Variants in NPC1 observed in about 807,000 individuals in gnomAD.
NPC1 encodes Niemann-Pick C1 protein.
Under a neutral mutation model 140.4 loss-of-function variants are expected in NPC1, and 85 were observed. The observed-to-expected ratio is 0.61, with a 90% CI of 0.51 to 0.72. The LOEUF (loss-of-function observed/expected upper bound fraction) is 0.72. Among genes scored for constraint, NPC1 ranks in the 30% least tolerant of loss-of-function variants. NPC1 has a pLI of 0.00. For missense variants in NPC1, 1,504 were observed against 1,623.8 expected (o/e 0.93, Z 1.27); for synonymous variants, 656 against 624.8 (o/e 1.05, Z -0.74).
At chr18:23,533,215 A>AT (rs1051020535) in intron 24 of NPC1, 140 bp downstream of exon 24, 3 of 980,086 alleles carry the variant, frequency 3.1e-6, no homozygotes, top group South Asian at 1.5e-5. Flanking sequence ...TTTAGAAGAA[A>AT]TTTTTTTACT....
intron 1 of NPC1, among the ~76,000 whole-genome samples, chr18:23,574,763 A>G (rs1028987003): frequency 1.3e-5 from 2 of 152,216 alleles, no homozygotes; most frequent in African/African-American, 2.4e-5. Context: ...AAGGAGGGAA[A>G]TTATACAAAT....
At chr18:23,562,145 C>T (rs1431164918) in intron 4 of NPC1, among the ~76,000 whole-genome samples, 4 of 151,938 alleles carry the variant, frequency 2.6e-5, no homozygotes, top group African/African-American at 4.8e-5. Flanking sequence ...AAAAATTAGC[C>T]GGGCGTGGTG....
At chr18:23,536,931 G>C in intron 20 of NPC1, 55 bp from the exon 21 acceptor site, 1 of 1,457,556 alleles carries the variant, frequency 6.9e-7, no homozygotes, top group South Asian at 1.2e-5. Flanking sequence ...AATATCAGCA[G>C]AATCTGAGCA....
At chr18:23,577,533 G>A (rs1396814456) in intron 1 of NPC1, among the ~76,000 whole-genome samples, 5 of 152,128 alleles carry the variant, frequency 3.3e-5, no homozygotes, top group East Asian at 3.9e-4. Flanking sequence ...GACTCTCCAC[G>A]TCCCCACCAG....
intron 2 of NPC1, among the ~76,000 whole-genome samples, chr18:23,572,901 A>T (rs759872487): frequency 5.9e-5 from 9 of 152,204 alleles, no homozygotes; most frequent in Non-Finnish European, 1.0e-4. Flanking sequence ...TGTCGACTTG[A>T]CTTTTGATTA....
chr18:23,518,975 C>T (rs763926463), downstream of NPC1: 38 of 1,614,124 alleles, frequency 2.4e-5, no homozygotes, highest in Non-Finnish European at 3.1e-5. Flanking sequence ...CTATCATCTA[C>T]CACGGTAGAT....
intron 3 of NPC1, chr18:23,516,378 C>A: frequency 6.2e-7 from 1 of 1,614,236 alleles, no homozygotes; most frequent in Non-Finnish European, 8.5e-7. Flanking sequence ...GCGCCTAAGT[C>A]AACTAAACCC....
At chr18:23,522,317 A>G (rs1598888568) in exon 2 of NPC1, 1 of 152,190 alleles carries the variant, frequency 6.6e-6, no homozygotes. Context: ...TCTGCTGCCC[A>G]CTTGGCATGA....
intron 9 of NPC1, among the ~76,000 whole-genome samples, chr18:23,552,579 C>T (rs1418376528): frequency 6.6e-6 from 1 of 152,198 alleles, no homozygotes; most frequent in African/African-American, 2.4e-5. Flanking sequence ...GCAGGTGGAA[C>T]AGTAAGTGGA....
chr18:23,542,384 A>G (rs2058725393), intron 14 of NPC1, among the ~76,000 whole-genome samples: 1 of 151,816 alleles, frequency 6.6e-6, no homozygotes, highest in Admixed American at 6.6e-5. Flanking sequence ...AAAGACTACC[A>G]CCTACAATGA....
At chr18:23,518,821 TG>T, downstream of NPC1, 2 of 1,388,084 alleles carry the variant, frequency 1.4e-6, no homozygotes, top group Non-Finnish European at 2.0e-6. Flanking sequence ...TACTTAACCG[TG>T]ATGCCATTTA....
At chr18:23,557,448 T>C (rs1461093289) in intron 6 of NPC1, among the ~76,000 whole-genome samples, 1 of 152,224 alleles carries the variant, frequency 6.6e-6, no homozygotes, top group Non-Finnish European at 1.5e-5. Context: ...TTTAAAACTT[T>C]TAGGTCCTTT....
rs1472177077 is a variant in NPC1, at chr18:23,567,702, G to A, written c.463+1121C>T. ...GTTTCTCTAAGGCAGGCATCTATAA[G>A]TGAAATTTCTGGGAGGAGGGTTAGC... On this transcript the variant is annotated intron_variant, in intron 4 of 24. Coordinates refer to ENST00000269228, the MANE Select transcript of NPC1 (RefSeq NM_000271.5). Among the ~76,000 whole-genome samples, 4 of 152,194 alleles carry A rather than the reference G, an allele frequency of 2.6e-5. No individual in the cohort carries two copies. In the East Asian group the frequency reaches 7.7e-4, roughly 29 times the overall value.
Position 23,545,651 on chromosome 18 carries a change from G to A in NPC1, c.1758-502C>T, listed in dbSNP as rs556046917. Among the ~76,000 whole-genome samples, 5 of 152,348 alleles carry A rather than the reference G, an allele frequency of 3.3e-5. No individual in the cohort carries two copies. The East Asian group carries it at 9.6e-4, about 29-fold the overall frequency. ...CTGTTGCCTCGGCTGGAGTACAGTG[G>A]CACTATTACAGCTCACTGCAGCCTC... is the stretch of plus-strand genomic sequence containing the variant. On this transcript the variant is annotated intron_variant, in intron 11 of 24. Transcript: ENST00000269228.
At chr18:23,584,689 T>C (rs1020494444) in intron 1 of NPC1, among the ~76,000 whole-genome samples, 3 of 152,080 alleles carry the variant, frequency 2.0e-5, no homozygotes, top group African/African-American at 7.2e-5. Flanking sequence ...TGAAACCCCA[T>C]CTCCACGGAA....
intron 8 of NPC1, among the ~76,000 whole-genome samples, 181 bp downstream of exon 8, chr18:23,556,062 G>C (rs1256440541): frequency 2.0e-5 from 3 of 151,966 alleles, no homozygotes; most frequent in Non-Finnish European, 2.9e-5. Flanking sequence ...ATTCCATTAA[G>C]TTCAACATCA....
chr18:23,572,203 C>CA (rs765586855), intron 2 of NPC1, 23 bp from the exon 3 acceptor site: 1 of 1,534,220 alleles, frequency 6.5e-7, no homozygotes, highest in Non-Finnish European at 9.0e-7. Flanking sequence ...AGAGCACAGA[C>CA]ACGGGAGTAG....
rs552898579 is a variant in NPC1, at chr18:23,562,030, C to T, written c.464-503G>A. On this transcript the variant is annotated intron_variant, in intron 4 of 24. Coordinates refer to ENST00000269228, the MANE Select transcript of NPC1 (RefSeq NM_000271.5). ...GTTGGCCGGGCACGGTGGCTCACAC[C>T]TGTAATTCCAGCACTCTGGGAGGCC... Among the ~76,000 whole-genome samples, 4 of 152,196 alleles carry T rather than the reference C, an allele frequency of 2.6e-5. No individual in the cohort carries two copies. In the South Asian group the frequency reaches 8.3e-4, roughly 32 times the overall value.
chr18:23,509,179 A>G (rs779225222), intron 3 of NPC1: 1 of 1,256,140 alleles, frequency 8.0e-7, no homozygotes, highest in Non-Finnish European at 1.0e-6. Flanking sequence ...ATATTTTTAA[A>G]AAATTTTTCT....
Sources: gnomAD v4.1 joint callset for allele counts (sites outside exome capture counted in the v4.1 genomes callset) on GRCh38, gnomAD v4.1.1 for gene constraint, MANE v1.5 for transcripts, NCBI Gene and HGNC (gene_info 2026-07-23, HGNC 2026-07-21) for gene names.